TMC5: variants seen among roughly 807,000 people sequenced by gnomAD.
The protein encoded by TMC5 is transmembrane channel like 5.
Under a neutral mutation model 110.5 loss-of-function variants are expected in TMC5, and 86 were observed. The ratio of observed to expected loss-of-function variants is 0.78; its 90% confidence interval spans 0.65 to 0.93. The LOEUF (loss-of-function observed/expected upper bound fraction) is 0.93. Among genes scored for constraint, TMC5 ranks in the 40% least tolerant of loss-of-function variants. TMC5 has a pLI of 0.00. For missense variants in TMC5, 1,144 were observed against 1,222.8 expected (o/e 0.94, Z 0.96); for synonymous variants, 455 against 439.5 (o/e 1.04, Z -0.44).
At position 19,464,021 on chromosome 16, in the gene TMC5, G is replaced by A. The variant is rs1365463747; in HGVS notation, c.1482G>A (p.Gly494=). ...TCACTGGGCTGGAGTTTTTCACTGGGGTGGTAAGTCCTCCACTTCCCCTAC... is the reference window on the plus strand; with the variant it reads ...TCACTGGGCTGGAGTTTTTCACTGGAGTGGTAAGTCCTCCACTTCCCCTAC... ...LQFTGLEFFT[G]VGYFRDTVMY... Residue 494 remains glycine (G), a synonymous_variant, in exon 8 of 22, where the codon GGG becomes GGA. Coordinates refer to ENST00000542583, the MANE Select transcript of TMC5 (RefSeq NM_001261841.2). 6.2e-7 allele frequency: 1 copy of A among 1,613,756 alleles called. No individual in the cohort carries two copies. The highest frequency in any genetic ancestry group is 8.5e-7 in the Non-Finnish European group (1 of 1,179,854).
chr16:19,440,086 C>A lies in TMC5; in HGVS notation c.48C>A (p.Tyr16Ter). Reference protein sequence around the residue: ...RNNWSEEDPDYPDYSGSQNRT... With the variant: ...RNNWSEEDPD ...ACTGGTCTGAGGAAGACCCAGATTA[C>A]CCTGACTATTCAGGGTCTCAGAACC... Residue 16 changes from tyrosine (Y) to a stop codon, truncating the protein, a stop_gained, in exon 3 of 22, where the codon TAC becomes TAA. Coordinates refer to ENST00000542583, the MANE Select transcript of TMC5 (RefSeq NM_001261841.2). LOFTEE classifies it high-confidence loss of function. 1 of 1,614,078 alleles carries A rather than the reference C, an allele frequency of 6.2e-7. No individual in the cohort carries two copies. Among genetic ancestry groups the A allele is most frequent in the Non-Finnish European group, 8.5e-7 (1 of 1,180,020 alleles).
intron 14 of TMC5, among the ~76,000 whole-genome samples, 157 bp from the exon 15 acceptor site, chr16:19,481,213 A>G (rs1028979123): frequency 2.0e-5 from 3 of 152,174 alleles, no homozygotes; most frequent in African/African-American, 4.8e-5. Context: ...CTTCAAAAAC[A>G]TGCTTATAGA....
At chr16:19,476,529 G>A (rs186097054) in intron 12 of TMC5, among the ~76,000 whole-genome samples, 1 of 152,072 alleles carries the variant, frequency 6.6e-6, no homozygotes, top group African/African-American at 2.4e-5. Context: ...AGTATGATGG[G>A]CATAAAATAC....
chr16:19,472,375 G>T, intron 11 of TMC5, 132 bp downstream of exon 11: 1 of 1,026,814 alleles, frequency 9.7e-7, no homozygotes, highest in Non-Finnish European at 1.4e-6. Context: ...CAGAGAACTT[G>T]TTAAAAATGC....
intron 5 of TMC5, 72 bp from the exon 6 acceptor site, chr16:19,460,163 T>C (rs994587085): frequency 1.7e-6 from 2 of 1,206,578 alleles, no homozygotes; most frequent in Non-Finnish European, 2.4e-6. Flanking sequence ...TGCTCTGACT[T>C]CAGCACCACA....
rs963216226 is a variant in TMC5, at chr16:19,499,105, C to G, written c.*1139C>G. On this transcript the variant is annotated 3_prime_UTR_variant, in exon 22 of 22. Transcript: ENST00000542583. Reference sequence around the variant, plus strand: ...AATAAAGTAAATTAAAAGTCTTATTCAAACCAAATATGAAACTGGTGGTGA... The same window carrying G: ...AATAAAGTAAATTAAAAGTCTTATTGAAACCAAATATGAAACTGGTGGTGA... 1 of 152,070 alleles carries G rather than the reference C, an allele frequency of 6.6e-6. No homozygotes were observed. The highest frequency in any genetic ancestry group is 6.6e-5 in the Admixed American group (1 of 15,252). The allele number at this position is 152,070 out of a possible 1,614,324, so 9.4% of individuals were successfully genotyped here.
chr16:19,453,000 A>C (rs1967783964), intron 5 of TMC5, among the ~76,000 whole-genome samples: 2 of 107,740 alleles, frequency 1.9e-5, no homozygotes, highest in Admixed American at 2.2e-4. Context: ...GGAAAAAATT[A>C]TATATATATA....
Position 19,449,647 on chromosome 16 carries a change from T to G in TMC5, c.1048+16T>G, listed in dbSNP as rs1567307151. 11 of 1,609,272 alleles carry G rather than the reference T, an allele frequency of 6.8e-6. No homozygotes were observed. Among genetic ancestry groups the G allele is most frequent in the Non-Finnish European group, 7.7e-6 (9 of 1,175,854 alleles). On this transcript the variant is annotated intron_variant, in intron 5 of 21. Coordinates refer to ENST00000542583, the MANE Select transcript of TMC5 (RefSeq NM_001261841.2). ...TCACCCCAAGGTAAGTGATATGGTT[T>G]GGCTCTGTGTCCCCACCCAACTCTC...
intron 4 of TMC5, among the ~76,000 whole-genome samples, chr16:19,448,392 ATTGT>A (rs1037299294): frequency 5.9e-5 from 9 of 151,750 alleles, no homozygotes; most frequent in African/African-American, 2.2e-4. Flanking sequence ...AGGCTGGCAG[ATTGT>A]TTGAGCCGCC....
At chr16:19,440,860 G>T in intron 3 of TMC5, 34 bp downstream of exon 3, 1 of 1,579,562 alleles carries the variant, frequency 6.3e-7, no homozygotes, top group Non-Finnish European at 8.6e-7. Flanking sequence ...CACTGGGAGT[G>T]GATGCTGAGT....
In TMC5 at chr16:19,474,239, G is replaced by A. The variant is rs767192302; in HGVS notation, c.2053G>A (p.Glu685Lys). ...CATGTTCAGGCTTGTGGAGAGGTAC[G>A]AGATGCCACGGCACGAAGTCTACGT... Reference protein sequence around the residue: ...YSMFRLVERYEMPRHEVYVLL... With the variant: ...YSMFRLVERYKMPRHEVYVLL... The change falls in exon 12 of 22, where the codon GAG (glutamate) becomes AAG (lysine). Residue 685 changes from glutamate to lysine, a missense_variant. By Grantham distance (56) the Glu-to-Lys change is moderately conservative. Coordinates refer to ENST00000542583, the MANE Select transcript of TMC5 (RefSeq NM_001261841.2). The A allele has an allele frequency of 1.7e-4, 269 of 1,613,980 alleles. No individual in the cohort carries two copies. The highest frequency in any genetic ancestry group is 2.1e-4 in the African/African-American group (16 of 74,902).
chr16:19,466,104 T>G lies in TMC5; in HGVS notation c.1508T>G (p.Met503Arg). The G allele has an allele frequency of 6.2e-7, 1 of 1,614,078 alleles. No individual in the cohort carries two copies. The highest frequency in any genetic ancestry group is 8.5e-7 in the Non-Finnish European group (1 of 1,179,982). ...CAGGGTTATTTTAGGGACACAGTGA[T>G]GTACTATGGCTTTTACACCAATTCC... ...TGVGYFRDTV[M>R]YYGFYTNSTI... Residue 503 changes from methionine (M) to arginine (R), a missense_variant, in exon 9 of 22, where the codon ATG becomes AGG. Coordinates refer to ENST00000542583, the MANE Select transcript of TMC5 (RefSeq NM_001261841.2).
chr16:19,416,733 T>C (rs1322549350), upstream of TMC5, among the ~76,000 whole-genome samples: 1 of 152,134 alleles, frequency 6.6e-6, no homozygotes, highest in Non-Finnish European at 1.5e-5. Flanking sequence ...ATGCCATTGG[T>C]GATCATAACT....
At chr16:19,429,641 G>T (rs1967156032) in intron 1 of TMC5, among the ~76,000 whole-genome samples, 1 of 152,200 alleles carries the variant, frequency 6.6e-6, no homozygotes, top group African/African-American at 2.4e-5. Context: ...CCAAGATCAG[G>T]TGCCTGCAAA....
At chr16:19,444,758 T>TG (rs1388961676) in intron 4 of TMC5, among the ~76,000 whole-genome samples, 4 of 152,178 alleles carry the variant, frequency 2.6e-5, no homozygotes, top group South Asian at 2.1e-4. Flanking sequence ...CAGAACCTAC[T>TG]GGGGGAAAAG....
chr16:19,476,739 C>G (rs1321805834), intron 12 of TMC5, among the ~76,000 whole-genome samples: 1 of 152,132 alleles, frequency 6.6e-6, no homozygotes, highest in Non-Finnish European at 1.5e-5. Context: ...AGTAACAACC[C>G]CCCAGATCTC....
intron 14 of TMC5, among the ~76,000 whole-genome samples, chr16:19,480,941 G>A (rs1968604325): frequency 6.7e-6 from 1 of 150,328 alleles, no homozygotes; most frequent in African/African-American, 2.5e-5. Context: ...TTTCCTTCTT[G>A]TGGATTTAGA....
chr16:19,487,015 A>G lies in TMC5; in HGVS notation c.2434A>G (p.Lys812Glu). 6.2e-7 allele frequency: 1 copy of G among 1,613,872 alleles called. No homozygotes were observed. The highest frequency in any genetic ancestry group is 8.5e-7 in the Non-Finnish European group (1 of 1,179,920). ...TATGCTTTTCATCATGTTCTACTCC[A>G]AAAATGTGAGTCAGTCCGACATTGC... ...MIMLFIMFYS[K>E]NISLMMNFQP... Residue 812 changes from lysine to glutamate, a missense_variant, in exon 16 of 22, where the codon AAA (lysine) becomes GAA (glutamate). Lys to Glu is a moderately conservative substitution (Grantham distance 56). Transcript: ENST00000542583.
At chr16:19,442,846 G>A (rs961212341) in intron 3 of TMC5, among the ~76,000 whole-genome samples, 5 of 152,138 alleles carry the variant, frequency 3.3e-5, no homozygotes, top group Admixed American at 1.3e-4. Flanking sequence ...CAAATAGTAG[G>A]GTTAACAGGA....
Sources: allele counts gnomAD v4.1 joint callset (sites outside exome capture counted in the v4.1 genomes callset), GRCh38; gene constraint gnomAD v4.1.1; transcripts MANE v1.5; gene names NCBI Gene and HGNC (gene_info 2026-07-23, HGNC 2026-07-21).